The following CSMD1 variants were observed in gnomAD, a reference collection of about 807,000 sequenced individuals.
CSMD1 encodes the protein CUB and Sushi multiple domains 1.
CSMD1 carries 213 observed loss-of-function variants against 417.5 expected under a neutral mutation model. The ratio of observed to expected loss-of-function variants is 0.51; its 90% CI spans 0.46 to 0.57. CSMD1 has a LOEUF of 0.57. CSMD1 is among the 20% of genes least tolerant of loss of function. CSMD1 has a pLI of 0.00. For missense variants in CSMD1, 6,923 were observed against 4,529.7 expected, an observed-to-expected ratio of 1.53 and a Z score of -15.17; for synonymous variants, 2,862 against 1,736.8, an observed-to-expected ratio of 1.65 and a Z score of -16.11.
At chr8:4,383,440 T>C (rs1803237290) in intron 3 of CSMD1, among the ~76,000 whole-genome samples, 1 of 152,204 alleles carries the variant, frequency 6.6e-6, no homozygotes, top group Admixed American at 6.5e-5. Flanking sequence ...CCAGATACCA[T>C]GAATTTCACA....
intron 5 of CSMD1, among the ~76,000 whole-genome samples, chr8:3,759,539 A>G (rs1180210865): frequency 5.3e-5 from 8 of 152,148 alleles, no homozygotes; most frequent in Admixed American, 6.5e-5. Context: ...GAAAGAGATT[A>G]TGGGGCAAAT....
At chr8:4,604,490 C>G (rs76729080) in intron 2 of CSMD1, among the ~76,000 whole-genome samples, 1 of 151,702 alleles carries the variant, frequency 6.6e-6, no homozygotes, top group African/African-American at 2.4e-5. Context: ...CATTTCTTCT[C>G]GTGGTCATTA....
chr8:4,605,958 A>T (rs780589373), intron 2 of CSMD1, among the ~76,000 whole-genome samples: 8 of 152,176 alleles, frequency 5.3e-5, no homozygotes, highest in Non-Finnish European at 1.0e-4. Context: ...TCTAAGCTAG[A>T]CCAGAGCAGA....
At chr8:3,973,515 G>A (rs755965269) in intron 5 of CSMD1, among the ~76,000 whole-genome samples, 3 of 151,904 alleles carry the variant, frequency 2.0e-5, no homozygotes, top group African/African-American at 4.8e-5. Flanking sequence ...AAATCATTCT[G>A]GTATAAGAAC....
intron 3 of CSMD1, among the ~76,000 whole-genome samples, chr8:4,206,174 C>T (rs907658863): frequency 6.6e-6 from 1 of 152,014 alleles, no homozygotes; most frequent in African/African-American, 2.4e-5. Flanking sequence ...TATGGAAATA[C>T]ATGCTGAAAA....
intron 49 of CSMD1, among the ~76,000 whole-genome samples, chr8:3,080,875 C>T (rs557837517): frequency 6.6e-6 from 1 of 152,268 alleles, no homozygotes; most frequent in African/African-American, 2.4e-5. Context: ...ACAATGTATC[C>T]TCCAATTTCA....
rs1372536562 is a variant in CSMD1 at position 3,432,855 on chromosome 8, G to T, written c.1562-23250C>A. 3.9e-5 allele frequency among the ~76,000 whole-genome samples: 6 copies of T among 152,170 alleles called. No homozygotes were observed. The East Asian group carries it at 9.7e-4, about 25-fold the overall frequency. On this transcript the variant is annotated intron_variant, in intron 12 of 69. Coordinates refer to ENST00000635120, the MANE Select transcript of CSMD1 (RefSeq NM_033225.6). ...TATTCTACATTGTTTATGTGAAATG[G>T]ATCTGCTTAAATATAGTCATCAGAG...
intron 42 of CSMD1, chr8:3,113,020 T>G (rs1816621563): frequency 1.3e-5 from 2 of 152,214 alleles, no homozygotes; most frequent in Admixed American, 1.3e-4. Flanking sequence ...TTTCCCCAAG[T>G]GGTGGCGTCT....
chr8:4,910,872 T>G (rs2117088552), intron 1 of CSMD1, among the ~76,000 whole-genome samples: 1 of 152,310 alleles, frequency 6.6e-6, no homozygotes, highest in Middle Eastern at 3.4e-3. Context: ...AATCTCATCT[T>G]GAATTCCCAT....
chr8:4,583,002 C>T (rs1188900709), intron 2 of CSMD1, among the ~76,000 whole-genome samples: 2 of 152,146 alleles, frequency 1.3e-5, no homozygotes, highest in African/African-American at 4.8e-5. Flanking sequence ...TACTGAATCC[C>T]CCAGCAGTGC....
intron 11 of CSMD1, among the ~76,000 whole-genome samples, chr8:3,479,232 A>C (rs978938639): frequency 6.6e-6 from 1 of 152,194 alleles, no homozygotes; most frequent in Non-Finnish European, 1.5e-5. Context: ...TTGCTTGCTA[A>C]AATATTAGGT....
intron 1 of CSMD1, among the ~76,000 whole-genome samples, chr8:4,824,450 T>A (rs1299198246): frequency 2.0e-5 from 3 of 152,110 alleles, no homozygotes; most frequent in African/African-American, 7.2e-5. Flanking sequence ...ATTGTATAAT[T>A]AAAGAAGACT....
intron 7 of CSMD1, among the ~76,000 whole-genome samples, chr8:3,681,393 T>C (rs377091527): frequency 5.9e-5 from 9 of 152,098 alleles, no homozygotes; most frequent in African/African-American, 1.2e-4. Flanking sequence ...TATACACCAA[T>C]AACAGACAAA....
intron 2 of CSMD1, among the ~76,000 whole-genome samples, chr8:4,444,850 C>T (rs1798688961): frequency 2.0e-5 from 3 of 152,192 alleles, no homozygotes; most frequent in Admixed American, 1.3e-4. Context: ...AATGACAACC[C>T]AGAGGACTCC....
chr8:4,213,692 G>A (rs10099864), intron 3 of CSMD1, among the ~76,000 whole-genome samples: 4 of 152,152 alleles, frequency 2.6e-5, no homozygotes, highest in African/African-American at 7.2e-5. Context: ...GCCCTCCCTG[G>A]TGGGAAGCCG....
Position 4,018,428 on chromosome 8 carries a change from A to G in CSMD1, c.610+13477T>C, listed in dbSNP as rs1213067377. Among the ~76,000 whole-genome samples, 6 of 152,058 alleles carry G rather than the reference A, an allele frequency of 3.9e-5. No homozygotes were observed. The East Asian group carries it at 5.8e-4, about 15-fold the overall frequency. On this transcript the variant is annotated intron_variant, in intron 4 of 69. Transcript: ENST00000635120. The stretch of plus-strand genomic sequence containing the variant: ...GATTCCTGTTCTCTCCCAGTTTGCA[A>G]TCTCTGAGTAGCTGCAGGTCTGTCA...
At chr8:4,630,664 G>T (rs1433537054) in intron 2 of CSMD1, among the ~76,000 whole-genome samples, 1 of 152,094 alleles carries the variant, frequency 6.6e-6, no homozygotes. Context: ...CTAATTATGG[G>T]AACATTATAG....
intron 3 of CSMD1, among the ~76,000 whole-genome samples, chr8:4,181,745 AC>A (rs1438796565): frequency 6.6e-6 from 1 of 152,130 alleles, no homozygotes; most frequent in Non-Finnish European, 1.5e-5. Flanking sequence ...AAAATAAACA[AC>A]AATTCTTATC....
chr8:3,480,186 C>G (rs1054165156), intron 11 of CSMD1, among the ~76,000 whole-genome samples: 2 of 151,894 alleles, frequency 1.3e-5, no homozygotes, highest in Non-Finnish European at 2.9e-5. Context: ...CGGTGAAACC[C>G]CATCTTTATT....
Sources: allele counts gnomAD v4.1 joint callset (sites outside exome capture counted in the v4.1 genomes callset), GRCh38; gene constraint gnomAD v4.1.1; transcripts MANE v1.5; gene names NCBI Gene and HGNC (gene_info 2026-07-23, HGNC 2026-07-21).